The following PCDHGC3 variants were observed in gnomAD, a reference collection of about 807,000 sequenced individuals.
PCDHGC3 encodes protocadherin gamma subfamily C, 3.
PCDHGC3 carries 26 observed loss-of-function variants against 59.2 expected under a neutral mutation model. The ratio of observed to expected loss-of-function variants is 0.44; its 90% confidence interval spans 0.32 to 0.61. The LOEUF (loss-of-function observed/expected upper bound fraction) is 0.61, where lower values mean the gene tolerates loss of function less well. Ranked by LOEUF, PCDHGC3 falls within the 20% of genes least tolerant of loss-of-function variation. The probability of loss-of-function intolerance (pLI) is 0.05; values close to 1 mark genes in which losing one functional copy is unlikely to be tolerated. For missense variants in PCDHGC3, 1,080 were observed against 1,221.8 expected, an observed-to-expected ratio of 0.88 and a Z score of 1.73; for synonymous variants, 487 against 519.7, an observed-to-expected ratio of 0.94 and a Z score of 0.86.
Position 141,477,535 on chromosome 5 carries a change from G to A in PCDHGC3, c.1419G>A (p.Gly473=), listed in dbSNP as rs2099412713. ...DVYIEENNLP[G]APILNLSVWD... ...ACATTGAAGAAAACAACCTCCCCGG[G>A]GCTCCAATACTAAACCTAAGTGTCT... Residue 473 remains glycine (G), a synonymous_variant, in exon 1 of 4, where the codon GGG becomes GGA. Transcript: ENST00000308177. The surrounding 1 kb of genome is among the most constrained non-coding windows in gnomAD (Gnocchi z 4.9). 1.2e-6 allele frequency: 2 copies of A among 1,613,936 alleles called. No homozygotes were observed. The highest frequency in any genetic ancestry group is 2.7e-5 in the African/African-American group (2 of 74,866).
Position 141,491,248 on chromosome 5 carries a change from G to T in PCDHGC3, c.2431-3559G>T, listed in dbSNP as rs757712577. On this transcript the variant is annotated intron_variant, in intron 1 of 3. Transcript: ENST00000308177. The surrounding 1 kb of genome is among the most constrained non-coding windows in gnomAD (Gnocchi z 6.9). ...AGTGCTGCTGGTTCTGGAGGATGAG[G>T]ACCCTGAGGAAATGCCCAAATCCAG... 3 of 1,614,170 alleles carry T rather than the reference G, an allele frequency of 1.9e-6. No individual in the cohort carries two copies. Among genetic ancestry groups the T allele is most frequent in the Non-Finnish European group, 2.5e-6 (3 of 1,180,018 alleles).
rs151119016 is a variant in PCDHGC3, at chr5:141,489,949, G to C, written c.2431-4858G>C. On this transcript the variant is annotated intron_variant, in intron 1 of 3. Transcript: ENST00000308177. The surrounding 1 kb of genome is among the most constrained non-coding windows in gnomAD (Gnocchi z 4.5). ...CTCTGTCATCGTGCTGGACATCAAT[G>C]ATAATGCTCCAACCTTCCAATCCTC... is the stretch of plus-strand genomic sequence containing the variant. 1 of 1,614,198 alleles carries C rather than the reference G, an allele frequency of 6.2e-7. No individual in the cohort carries two copies. Among genetic ancestry groups the C allele is most frequent in the Non-Finnish European group, 8.5e-7 (1 of 1,180,028 alleles).
Position 141,476,383 on chromosome 5 carries a change from C to G in PCDHGC3, c.267C>G (p.Asn89Lys), listed in dbSNP as rs547854431. ...GGGAGACCGGAGAGATGTTTGTGAACGACCGTCTGGATCGAGAGGAGCTGT... is the reference window on the plus strand; with the variant it reads ...GGGAGACCGGAGAGATGTTTGTGAAGGACCGTCTGGATCGAGAGGAGCTGT... ...VNRETGEMFV[N>K]DRLDREELCG... Residue 89 changes from asparagine (N) to lysine (K), a missense_variant, in exon 1 of 4, where the codon AAC becomes AAG. Transcript: ENST00000308177. The surrounding 1 kb of genome is among the most constrained non-coding windows in gnomAD (Gnocchi z 7.6). 1.2e-6 allele frequency: 2 copies of G among 1,614,102 alleles called. No homozygotes were observed. Among genetic ancestry groups the G allele is most frequent in the Middle Eastern group, 3.3e-4 (2 of 6,062 alleles).
intron 2 of PCDHGC3, among the ~76,000 whole-genome samples, chr5:141,496,538 T>G (rs568286018): frequency 1.5e-4 from 23 of 152,266 alleles, no homozygotes; most frequent in African/African-American, 5.5e-4. Flanking sequence ...TGGCAGAGAT[T>G]CCAGCTTCTG....
At chr5:141,483,640 G>T (rs1406049976) in intron 1 of PCDHGC3, among the ~76,000 whole-genome samples, 3 of 144,232 alleles carry the variant, frequency 2.1e-5, no homozygotes, top group Non-Finnish European at 4.5e-5. Flanking sequence ...GTATAGAGGG[G>T]TGTGTGTTTG....
At position 141,500,184 on chromosome 5, in the gene PCDHGC3, TTTTATTTATTTATTTA is replaced by T. The variant is rs58019021; in HGVS notation, c.2490-5182_2490-5167del. Among the ~76,000 whole-genome samples the T allele has an allele frequency of 2.1e-3, 289 of 135,964 alleles. 1 individual carries two copies. Among genetic ancestry groups the T allele is most frequent in the Middle Eastern group, 0.016 (4 of 248 alleles). The allele number at this position is 135,964 out of a possible 152,430, so 89.2% of individuals were successfully genotyped here. A position where few individuals can be genotyped will look rare whatever the true frequency, so the allele number is the denominator to read the frequency against. On this transcript the variant is annotated intron_variant, in intron 2 of 3. Coordinates refer to ENST00000308177, the MANE Select transcript of PCDHGC3 (RefSeq NM_002588.4). ...GAACATGCATGAGCTTCATTTTTAT[TTTTATTTATTTATTTA>T]TTTATTTATTTATTTATTTATTTAT...
chr5:141,494,677 TGCCCCCTCTTA>T, intron 1 of PCDHGC3, 119 bp from the exon 2 acceptor site: 5 of 1,552,906 alleles, frequency 3.2e-6, no homozygotes, highest in Non-Finnish European at 4.4e-6. Flanking sequence ...AGTCCACCCC[TGCCCCCTCTTA>T]GTCCGTTTTC....
In PCDHGC3 at chr5:141,491,177, T is replaced by G; in HGVS notation, c.2431-3630T>G. The G allele has an allele frequency of 6.2e-7, 1 of 1,614,158 alleles. No homozygotes were observed. Among genetic ancestry groups the G allele is most frequent in the Non-Finnish European group, 8.5e-7 (1 of 1,180,010 alleles). Reference sequence around the variant, plus strand: ...GACTCTGACACCCAGCAGGTGGTGGTCCTGGTGAGGGACAATGGTGACCCT... The same window carrying G: ...GACTCTGACACCCAGCAGGTGGTGGGCCTGGTGAGGGACAATGGTGACCCT... On this transcript the variant is annotated intron_variant, in intron 1 of 3. Transcript: ENST00000308177. This position sits in a 1 kb window ranked among gnomAD's most constrained non-coding sequence, Gnocchi z 6.9.
In PCDHGC3 at chr5:141,478,344, A is replaced by G; in HGVS notation, c.2228A>G (p.His743Arg). 1 of 1,613,882 alleles carries G rather than the reference A, an allele frequency of 6.2e-7. No homozygotes were observed. The highest frequency in any genetic ancestry group is 8.5e-7 in the Non-Finnish European group (1 of 1,180,010). The change falls in exon 1 of 4, where the codon CAC (histidine) becomes CGC (arginine). Residue 743 changes from histidine to arginine, a missense_variant. By Grantham distance (29) the His-to-Arg change is conservative (BLOSUM62 0). Transcript: ENST00000308177. ...TACCGAACACCAGGGCCCTCCTTGC[A>G]CGCGGACGCCGTGCGGGGAGGCCTG... ...SLYRTPGPSL[H>R]ADAVRGGLMS...
intron 1 of PCDHGC3, among the ~76,000 whole-genome samples, chr5:141,482,442 C>T (rs942933015): frequency 1.4e-5 from 2 of 147,678 alleles, no homozygotes; most frequent in Non-Finnish European, 3.0e-5. Flanking sequence ...CTGATATTCA[C>T]CATTTATTAG....
rs1197163866 is a variant in PCDHGC3, at chr5:141,475,988, A to C, written c.-129A>C. 2.6e-5 allele frequency: 29 copies of C among 1,114,786 alleles called. No homozygotes were observed. Among genetic ancestry groups the C allele is most frequent in the Non-Finnish European group, 3.2e-5 (25 of 785,642 alleles). 69.1% of individuals were successfully genotyped at this position (1,114,786 alleles called of 1,614,324 possible). On this transcript the variant is annotated 5_prime_UTR_variant, in exon 1 of 4. Transcript: ENST00000308177. ...GGCAGAGACTGAACAGCCGGCGAGC[A>C]AATCAACGGCATCCAGAAAGCCATG...
chr5:141,507,631 C>A (rs1435446169), intron 3 of PCDHGC3, among the ~76,000 whole-genome samples: 1 of 152,236 alleles, frequency 6.6e-6, no homozygotes, highest in Non-Finnish European at 1.5e-5. Context: ...TGTGGCCTTG[C>A]GCCCTGAGGC....
intron 2 of PCDHGC3, among the ~76,000 whole-genome samples, chr5:141,500,682 G>A (rs1661676761): frequency 6.6e-6 from 1 of 152,044 alleles, no homozygotes; most frequent in African/African-American, 2.4e-5. Context: ...CAGAATTATA[G>A]CTTTTTTCTT....
In PCDHGC3 at chr5:141,491,638, G is replaced by A. The variant is rs2099723160; in HGVS notation, c.2431-3169G>A. The A allele has an allele frequency of 6.2e-7, 1 of 1,613,898 alleles. No individual in the cohort carries two copies. The highest frequency in any genetic ancestry group is 1.3e-5 in the African/African-American group (1 of 75,074). ...ACCCCTCAGCGTTCAGCAGCCCACA[G>A]CTCTGGCGCTGGAGCCTGACGCCAT... On this transcript the variant is annotated intron_variant, in intron 1 of 3. Coordinates refer to ENST00000308177, the MANE Select transcript of PCDHGC3 (RefSeq NM_002588.4). The surrounding 1 kb of genome is among the most constrained non-coding windows in gnomAD (Gnocchi z 6.9).
Position 141,485,943 on chromosome 5 carries a change from C to T in PCDHGC3, c.2430+7397C>T, listed in dbSNP as rs750871245. On this transcript the variant is annotated intron_variant, in intron 1 of 3. Transcript: ENST00000308177. This position sits in a 1 kb window ranked among gnomAD's most constrained non-coding sequence, Gnocchi z 5.7. Reference sequence around the variant, plus strand: ...ATTAGTGTGTTGGAGAGCGCACCAGCGGGCATGGTGCTCATCCAGCTCAAT... The same window carrying T: ...ATTAGTGTGTTGGAGAGCGCACCAGTGGGCATGGTGCTCATCCAGCTCAAT... The T allele has an allele frequency of 1.9e-6, 3 of 1,614,126 alleles. No homozygotes were observed. In the South Asian group the frequency reaches 3.3e-5, roughly 18 times the overall value.
chr5:141,499,836 A>G (rs2099794751), intron 2 of PCDHGC3, among the ~76,000 whole-genome samples: 1 of 151,894 alleles, frequency 6.6e-6, no homozygotes, highest in African/African-American at 2.4e-5. Flanking sequence ...ACAGGTGTGC[A>G]CCACCACACA....
In PCDHGC3 at chr5:141,511,217, C is replaced by A. The variant is rs766814445; in HGVS notation, c.*44C>A. On this transcript the variant is annotated 3_prime_UTR_variant, in exon 4 of 4. Transcript: ENST00000308177. ...AGCCACAGGGCGGCCTCTCCCCAAC[C>A]AGCCCAGCTTCTCCTTACCTGCACC... The A allele has an allele frequency of 2.5e-6, 4 of 1,607,588 alleles. No homozygotes were observed. Among genetic ancestry groups the A allele is most frequent in the Non-Finnish European group, 3.4e-6 (4 of 1,177,026 alleles).
intron 1 of PCDHGC3, 41 bp from the exon 2 acceptor site, chr5:141,494,766 C>T (rs1017994327): frequency 6.2e-7 from 1 of 1,614,038 alleles, no homozygotes; most frequent in Non-Finnish European, 8.5e-7. Flanking sequence ...ATTCTAACTT[C>T]TCACGGGTAC....
intron 1 of PCDHGC3, among the ~76,000 whole-genome samples, chr5:141,481,103 C>G (rs190529217): frequency 2.6e-4 from 39 of 152,252 alleles, no homozygotes; most frequent in Non-Finnish European, 3.4e-4. Context: ...TACTCTGGAA[C>G]CTACCAATCC....
Sources: gnomAD v4.1 joint callset for allele counts (sites outside exome capture counted in the v4.1 genomes callset) on GRCh38, gnomAD v4.1.1 for gene constraint, Gnocchi (gnomAD v3.1) non-coding constraint, MANE v1.5 for transcripts, NCBI Gene and HGNC (gene_info 2026-07-23, HGNC 2026-07-21) for gene names.